Variants in ADGRD1 observed in about 807,000 individuals in gnomAD.
The protein encoded by ADGRD1 is G-protein coupled receptor 133.
ADGRD1 carries 77 observed loss-of-function variants against 113.4 expected under a neutral mutation model. That is an observed-to-expected ratio of 0.68 (90% confidence interval 0.57 to 0.82). The LOEUF (loss-of-function observed/expected upper bound fraction) is 0.82, where lower values mean the gene tolerates loss of function less well. ADGRD1 is among the 40% of genes least tolerant of loss of function. ADGRD1 has a pLI of 0.00. For missense variants in ADGRD1, 1,036 were observed against 1,139.1 expected (o/e 0.91, Z 1.30); for synonymous variants, 474 against 475.0 (o/e 1.00, Z 0.03).
chr12:131,049,504 C>G (rs1004968205), intron 13 of ADGRD1, among the ~76,000 whole-genome samples: 1 of 152,230 alleles, frequency 6.6e-6, no homozygotes, highest in East Asian at 1.9e-4. Context: ...ATGTCACTTC[C>G]TAATATGCCT....
intron 12 of ADGRD1, among the ~76,000 whole-genome samples, chr12:131,008,977 A>C (rs1877531574): frequency 6.6e-6 from 1 of 152,234 alleles, no homozygotes; most frequent in African/African-American, 2.4e-5. Flanking sequence ...TGCAGCCCTC[A>C]GTGCAGTAAC....
intron 2 of ADGRD1, among the ~76,000 whole-genome samples, chr12:130,959,603 T>G (rs1045721547): frequency 6.6e-6 from 1 of 152,186 alleles, no homozygotes; most frequent in African/African-American, 2.4e-5. Context: ...GACTTGTCTG[T>G]GCACAGTCAC....
chr12:130,974,821 C>T (rs554995583), intron 4 of ADGRD1, among the ~76,000 whole-genome samples: 4 of 152,138 alleles, frequency 2.6e-5, no homozygotes, highest in Non-Finnish European at 5.9e-5. Context: ...TCCGGACCCC[C>T]GCTCCCGGCC....
intron 13 of ADGRD1, among the ~76,000 whole-genome samples, chr12:131,033,763 C>T (rs1041556620): frequency 4.6e-5 from 7 of 152,142 alleles, no homozygotes; most frequent in Admixed American, 1.3e-4. Flanking sequence ...GCTGCACAGC[C>T]GTGTGTCCTC....
At chr12:131,016,991 G>A (rs546467963) in intron 13 of ADGRD1, among the ~76,000 whole-genome samples, 1 of 152,150 alleles carries the variant, frequency 6.6e-6, no homozygotes, top group South Asian at 2.1e-4. Flanking sequence ...AGTGAGGTGG[G>A]CACTGTGAAG....
chr12:131,068,377 C>T (rs1219819587), intron 13 of ADGRD1, among the ~76,000 whole-genome samples: 2 of 152,096 alleles, frequency 1.3e-5, no homozygotes, highest in African/African-American at 4.8e-5. Context: ...CTCAGATATT[C>T]TACTAGGAAT....
chr12:131,047,431 C>T lies in ADGRD1; in HGVS notation c.1474-29370C>T, dbSNP rs934289942. ...GGAGCATTCCAGGAGCAGGCAGCCCCGGGCCCCCTTTTGCACCCCTTCCGC... is the reference window on the plus strand; with the variant it reads ...GGAGCATTCCAGGAGCAGGCAGCCCTGGGCCCCCTTTTGCACCCCTTCCGC... On this transcript the variant is annotated intron_variant, in intron 13 of 24. Coordinates refer to ENST00000261654, the MANE Select transcript of ADGRD1 (RefSeq NM_198827.5). 4.6e-5 allele frequency among the ~76,000 whole-genome samples: 7 copies of T among 152,192 alleles called. No individual in the cohort carries two copies. The South Asian group carries it at 6.2e-4, about 14-fold the overall frequency.
At chr12:131,069,976 T>A in intron 13 of ADGRD1, 1 of 152,352 alleles carries the variant, frequency 6.6e-6, no homozygotes. Flanking sequence ...AACATGGGCC[T>A]GAGAAAATTC....
At chr12:131,076,647 A>G (rs942670473) in intron 13 of ADGRD1, 154 bp from the exon 14 acceptor site, 7 of 686,094 alleles carry the variant, frequency 1.0e-5, no homozygotes, top group Non-Finnish European at 1.8e-5. Flanking sequence ...GTGATGTGGG[A>G]CCACACCCAC....
chr12:131,100,239 A>C (rs937003865), intron 15 of ADGRD1, among the ~76,000 whole-genome samples: 1 of 151,578 alleles, frequency 6.6e-6, no homozygotes, highest in African/African-American at 2.4e-5. Flanking sequence ...GAGTTGGTTG[A>C]TAGTGGATTA....
intron 20 of ADGRD1, among the ~76,000 whole-genome samples, chr12:131,124,981 A>G (rs1725789): frequency 0.17 from 26,601 of 152,114 alleles, 2,824 homozygotes; most frequent in Non-Finnish European, 0.24. Context: ...AGGTGTCGTC[A>G]GGGTTGGTTC....
chr12:131,030,497 TG>T (rs1880580255), intron 13 of ADGRD1: 1 of 152,540 alleles, frequency 6.6e-6, no homozygotes, highest in Non-Finnish European at 1.5e-5. Context: ...CCTTGGTGAA[TG>T]GGATTTTCTG....
intron 18 of ADGRD1, among the ~76,000 whole-genome samples, chr12:131,115,414 C>T (rs990675958): frequency 2.0e-5 from 3 of 152,294 alleles, no homozygotes; most frequent in South Asian, 2.1e-4. Flanking sequence ...CCTGTGCCCG[C>T]GTGTGGGGCA....
Position 131,014,353 on chromosome 12 carries a change from G to T in ADGRD1, c.1473+13G>T. ...CAAGCACAGATTGGTGAGTGGCGGT[G>T]CCTTCACCCTTGTCGCCGCCTTTGA... On this transcript the variant is annotated intron_variant, in intron 13 of 24. Transcript: ENST00000261654. The T allele has an allele frequency of 6.2e-7, 1 of 1,606,080 alleles. No individual in the cohort carries two copies. The highest frequency in any genetic ancestry group is 8.5e-7 in the Non-Finnish European group (1 of 1,174,718).
chr12:131,014,113 T>A, intron 12 of ADGRD1, 86 bp from the exon 13 acceptor site: 1 of 1,332,292 alleles, frequency 7.5e-7, no homozygotes, highest in Non-Finnish European at 1.0e-6. Flanking sequence ...TAGTTTTGGG[T>A]GGAACGCTGG....
At chr12:130,964,593 G>A (rs1297332048) in intron 2 of ADGRD1, among the ~76,000 whole-genome samples, 1 of 152,184 alleles carries the variant, frequency 6.6e-6, no homozygotes, top group African/African-American at 2.4e-5. Context: ...GCTGAGGCAG[G>A]AGAATTGCTT....
At chr12:131,061,151 GC>G (rs1375212756) in intron 13 of ADGRD1, among the ~76,000 whole-genome samples, 3 of 152,208 alleles carry the variant, frequency 2.0e-5, no homozygotes, top group Non-Finnish European at 2.9e-5. Flanking sequence ...GCAGTCAGGA[GC>G]CCCGCCCAGC....
rs183474463 is a variant in ADGRD1 at position 130,980,383 on chromosome 12, C to T, written c.311-1501C>T. 1.0e-3 allele frequency among the ~76,000 whole-genome samples: 158 copies of T among 151,670 alleles called. 1 individual carries two copies. In the East Asian group the frequency reaches 0.026, roughly 25 times the overall value. ...CCTCCCTAAGTGCTGGGATTACAGG[C>T]GTGAGCCACCATGCCTGGACCCTCT... On this transcript the variant is annotated intron_variant, in intron 4 of 24. Transcript: ENST00000261654.
intron 14 of ADGRD1, 30 bp downstream of exon 14, chr12:131,076,904 G>T (rs769349047): frequency 1.3e-6 from 2 of 1,588,606 alleles, no homozygotes; most frequent in Non-Finnish European, 1.7e-6. Flanking sequence ...GAGCAGGTGG[G>T]CATGAGGTGT....
Sources: gnomAD v4.1 joint callset for allele counts (sites outside exome capture counted in the v4.1 genomes callset) on GRCh38, gnomAD v4.1.1 for gene constraint, MANE v1.5 for transcripts, NCBI Gene and HGNC (gene_info 2026-07-23, HGNC 2026-07-21) for gene names.